Variants in CDH13 observed in about 807,000 individuals in gnomAD.
The protein encoded by CDH13 is cadherin-13.
In CDH13, 24 loss-of-function variants were observed where a neutral mutation model predicts 63.8. The observed-to-expected ratio is 0.38, with a 90% CI of 0.27 to 0.53. The LOEUF (loss-of-function observed/expected upper bound fraction) is 0.53, where lower values mean the gene tolerates loss of function less well. Ranked by LOEUF, CDH13 falls within the 20% of genes least tolerant of loss-of-function variation. CDH13 has a pLI of 0.85. For missense variants in CDH13, 1,049 were observed against 903.1 expected, an observed-to-expected ratio of 1.16 and a Z score of -2.07; for synonymous variants, 503 against 355.3, an observed-to-expected ratio of 1.42 and a Z score of -4.67.
Position 83,144,307 on chromosome 16 carries a change from T to C in CDH13, c.483+18806T>C, listed in dbSNP as rs140099238. On this transcript the variant is annotated intron_variant, in intron 4 of 13. Coordinates refer to ENST00000567109, the MANE Select transcript of CDH13 (RefSeq NM_001257.5). Reference sequence around the variant, plus strand: ...TCTTCCAAATAGTTGAAGTTACGTGTAAGTGAACACCACCTAACCAATATG... The same window carrying C: ...TCTTCCAAATAGTTGAAGTTACGTGCAAGTGAACACCACCTAACCAATATG... Among the ~76,000 whole-genome samples, 672 of 152,340 alleles carry C rather than the reference T, an allele frequency of 4.4e-3. 4 individuals carry two copies. The highest frequency in any genetic ancestry group is 0.015 in the African/African-American group (638 of 41,578).
At chr16:83,552,866 G>T (rs1185540554) in intron 7 of CDH13, among the ~76,000 whole-genome samples, 1 of 152,190 alleles carries the variant, frequency 6.6e-6, no homozygotes, top group Admixed American at 6.5e-5. Flanking sequence ...AGATCACAAG[G>T]TCAGGAGTTC....
chr16:83,030,711 C>G (rs1377892273), intron 2 of CDH13, among the ~76,000 whole-genome samples: 1 of 149,366 alleles, frequency 6.7e-6, no homozygotes, highest in African/African-American at 2.5e-5. Context: ...AAGCACTCCT[C>G]TTCACTGGAA....
chr16:83,171,517 T>A (rs535020993), intron 4 of CDH13: 4 of 1,533,140 alleles, frequency 2.6e-6, no homozygotes, highest in Admixed American at 2.0e-5. Context: ...ATCTTTGTTT[T>A]TCAGATGAAG....
chr16:82,778,628 A>G (rs191365259), intron 1 of CDH13, among the ~76,000 whole-genome samples: 7 of 147,886 alleles, frequency 4.7e-5, no homozygotes, highest in African/African-American at 1.5e-4. Context: ...CACAGCATTT[A>G]TTAGATATGG....
At chr16:82,675,442 G>C (rs1381132535) in intron 1 of CDH13, among the ~76,000 whole-genome samples, 1 of 152,150 alleles carries the variant, frequency 6.6e-6, no homozygotes, top group Non-Finnish European at 1.5e-5. Flanking sequence ...TAAAAACACA[G>C]CTTTTCCAGG....
intron 3 of CDH13, among the ~76,000 whole-genome samples, chr16:83,076,404 G>C (rs903830093): frequency 1.3e-5 from 2 of 152,146 alleles, no homozygotes; most frequent in African/African-American, 4.8e-5. Context: ...AGACTGGCAG[G>C]ACTGGTGTCT....
At chr16:82,896,722 C>T (rs1410895997) in intron 2 of CDH13, among the ~76,000 whole-genome samples, 16 of 145,468 alleles carry the variant, frequency 1.1e-4, no homozygotes, top group African/African-American at 2.6e-4. Context: ...GAATAAGAGA[C>T]GAAAGAAAGA....
At chr16:83,100,305 A>T (rs754266569) in intron 3 of CDH13, among the ~76,000 whole-genome samples, 2 of 152,228 alleles carry the variant, frequency 1.3e-5, no homozygotes. Flanking sequence ...CATAGATACA[A>T]ATAAAGCACA....
chr16:83,117,893 C>T (rs2035385759), intron 3 of CDH13, among the ~76,000 whole-genome samples: 1 of 152,114 alleles, frequency 6.6e-6, no homozygotes, highest in Admixed American at 6.5e-5. Flanking sequence ...CTTGCTTCCC[C>T]TGAGATTGGG....
intron 2 of CDH13, among the ~76,000 whole-genome samples, chr16:82,971,764 A>G (rs1908781746): frequency 6.6e-6 from 1 of 152,350 alleles, no homozygotes; most frequent in Non-Finnish European, 1.5e-5. Flanking sequence ...CAAACATTTA[A>G]GTTCATTGGA....
intron 3 of CDH13, among the ~76,000 whole-genome samples, chr16:83,103,740 C>T (rs930744346): frequency 4.6e-5 from 7 of 152,144 alleles, no homozygotes; most frequent in African/African-American, 1.7e-4. Context: ...GGATACATCA[C>T]AGAAATTGTG....
intron 1 of CDH13, among the ~76,000 whole-genome samples, chr16:82,634,112 A>C (rs1405333372): frequency 6.6e-6 from 1 of 152,230 alleles, no homozygotes; most frequent in Non-Finnish European, 1.5e-5. Flanking sequence ...AGCTGAACGC[A>C]GCCCGGGCTG....
intron 1 of CDH13, among the ~76,000 whole-genome samples, chr16:82,761,017 C>CTTTCTTTTTTTTTTTTT (rs2034820362): frequency 2.5e-5 from 1 of 40,452 alleles, no homozygotes; most frequent in East Asian, 6.7e-4. Context: ...TTCTTTCTTT[C>CTTTCTTTTTTTTTTTTT]TTTTTTTTTT....
At chr16:83,305,487 A>G (rs2089853362) in intron 5 of CDH13, among the ~76,000 whole-genome samples, 1 of 152,174 alleles carries the variant, frequency 6.6e-6, no homozygotes, top group African/African-American at 2.4e-5. Context: ...TGTATATGTC[A>G]TGGCACTTTT....
At chr16:83,666,213 G>C (rs1913936040) in intron 8 of CDH13, among the ~76,000 whole-genome samples, 1 of 152,120 alleles carries the variant, frequency 6.6e-6, no homozygotes, top group Non-Finnish European at 1.5e-5. Context: ...CATTGCTATA[G>C]AAATGTAAAA....
intron 8 of CDH13, chr16:83,654,708 A>T (rs1912703418): frequency 6.6e-6 from 1 of 152,186 alleles, no homozygotes; most frequent in Non-Finnish European, 1.5e-5. Context: ...TCTCCAGGCA[A>T]ATATACTCAA....
chr16:83,634,294 CT>C (rs1279661895), intron 8 of CDH13, among the ~76,000 whole-genome samples: 2 of 152,276 alleles, frequency 1.3e-5, no homozygotes, highest in East Asian at 3.9e-4. Context: ...TCCCCTTACT[CT>C]TGGGCTTCTC....
chr16:83,602,370 G>A, intron 7 of CDH13, 84 bp from the exon 8 acceptor site: 1 of 1,370,450 alleles, frequency 7.3e-7, no homozygotes, highest in Non-Finnish European at 1.0e-6. Flanking sequence ...GGGAGAGACA[G>A]CTCCAGCAAC....
intron 8 of CDH13, among the ~76,000 whole-genome samples, chr16:83,621,136 C>T (rs1382577321): frequency 6.6e-6 from 1 of 152,180 alleles, no homozygotes; most frequent in South Asian, 2.1e-4. Context: ...CTTACCCAGG[C>T]TCCAGACCCC....
Sources: allele counts gnomAD v4.1 joint callset (sites outside exome capture counted in the v4.1 genomes callset), GRCh38; gene constraint gnomAD v4.1.1; transcripts MANE v1.5; gene names NCBI Gene and HGNC (gene_info 2026-07-23, HGNC 2026-07-21).